DMD: variants seen among roughly 807,000 people sequenced by gnomAD.
DMD encodes dystrophin.
DMD carries 63 observed loss-of-function variants against 330.1 expected under a neutral mutation model. The observed-to-expected ratio is 0.19, with a 90% CI of 0.16 to 0.24. The LOEUF (loss-of-function observed/expected upper bound fraction) is 0.24, where lower values mean the gene tolerates loss of function less well. Ranked by LOEUF, DMD falls within the 10% of genes least tolerant of loss-of-function variation. The pLI, the probability that DMD is intolerant of heterozygous loss-of-function variation, is 1.00. For missense variants in DMD, 3,344 were observed against 2,684.1 expected (o/e 1.25, Z -5.43); for synonymous variants, 1,223 against 959.8 (o/e 1.27, Z -5.07).
chrX:32,430,038 G>A (rs2098231723), intron 29 of DMD, among the ~76,000 whole-genome samples: 2 of 110,982 alleles, frequency 1.8e-5, no homozygotes, highest in Non-Finnish European at 3.8e-5. Context: ...CTCTGATAAT[G>A]TCTAATTTCC....
chrX:32,936,331 G>A (rs1478033564), intron 2 of DMD, among the ~76,000 whole-genome samples: 1 of 111,371 alleles, frequency 9.0e-6, no homozygotes, highest in African/African-American at 3.3e-5. Context: ...GGCTGGTCTC[G>A]AACTCCTGAC....
At chrX:32,972,170 C>G (rs12851429) in intron 2 of DMD, among the ~76,000 whole-genome samples, 3,664 of 110,405 alleles carry the variant, frequency 0.033, 115 homozygotes, top group East Asian at 0.21. Flanking sequence ...TTGTATGACT[C>G]GCTTATAATT....
intron 7 of DMD, among the ~76,000 whole-genome samples, chrX:32,794,316 G>A (rs553629579): frequency 2.0e-4 from 22 of 112,282 alleles, no homozygotes; most frequent in African/African-American, 6.1e-4. Context: ...ATGGTCAGGC[G>A]TGGTGGCTCA....
At chrX:33,195,175 AAAT>A (rs1421677063) in intron 1 of DMD, among the ~76,000 whole-genome samples, 1 of 111,691 alleles carries the variant, frequency 9.0e-6, no homozygotes, top group Non-Finnish European at 1.9e-5. Context: ...CCAGGGTGGA[AAAT>A]AAGCTTAGGA....
At chrX:31,521,081 A>T (rs953011187) in intron 55 of DMD, among the ~76,000 whole-genome samples, 1 of 111,952 alleles carries the variant, frequency 8.9e-6, no homozygotes, top group Non-Finnish European at 1.9e-5. Flanking sequence ...ATGACATGTT[A>T]TATAAGTCTT....
intron 70 of DMD, chrX:31,178,256 T>C: frequency 1.3e-6 from 1 of 751,880 alleles, no homozygotes; most frequent in Non-Finnish European, 1.6e-6. Context: ...GACTATATTT[T>C]CTTTTGAGTA....
At chrX:32,204,388 C>G (rs755733022) in intron 44 of DMD, among the ~76,000 whole-genome samples, 1 of 112,547 alleles carries the variant, frequency 8.9e-6, no homozygotes, top group Non-Finnish European at 1.9e-5. Flanking sequence ...AAGCAAGGCA[C>G]TAAACCAACT....
chrX:31,164,107 G>T (rs2039155959), intron 74 of DMD, among the ~76,000 whole-genome samples: 1 of 111,732 alleles, frequency 8.9e-6, no homozygotes, highest in Non-Finnish European at 1.9e-5. Context: ...AAAAATAAAA[G>T]TAATTAAATA....
intron 22 of DMD, among the ~76,000 whole-genome samples, chrX:32,471,002 C>A (rs1410673275): frequency 9.0e-6 from 1 of 111,628 alleles, no homozygotes; most frequent in Non-Finnish European, 1.9e-5. Context: ...AAGGGCTGGG[C>A]GCAGTGGCTC....
intron 34 of DMD, among the ~76,000 whole-genome samples, chrX:32,366,419 A>G (rs763981803): frequency 4.5e-5 from 5 of 112,257 alleles, no homozygotes; most frequent in Non-Finnish European, 7.5e-5. Context: ...TTGAAAAGCT[A>G]TTTGCGAGTG....
chrX:32,233,929 C>G (rs140895740), intron 43 of DMD, among the ~76,000 whole-genome samples: 70 of 110,884 alleles, frequency 6.3e-4, no homozygotes, highest in Middle Eastern at 9.2e-3. Context: ...CACACCCAGC[C>G]CGGTACAATT....
chrX:31,428,296 A>G (rs1404599583), intron 60 of DMD, among the ~76,000 whole-genome samples: 1 of 110,523 alleles, frequency 9.0e-6, no homozygotes, highest in African/African-American at 3.3e-5. Context: ...TGTTTAAAAG[A>G]GTGTGGCACC....
At chrX:32,819,713 T>A (rs967149848) in intron 5 of DMD, among the ~76,000 whole-genome samples, 3 of 110,391 alleles carry the variant, frequency 2.7e-5, no homozygotes, top group East Asian at 2.9e-4. Context: ...GGGGCCAACA[T>A]GGTTCTATCT....
At chrX:31,860,993 T>C (rs57131280) in intron 48 of DMD, among the ~76,000 whole-genome samples, 13,260 of 111,747 alleles carry the variant, frequency 0.12, 686 homozygotes, top group South Asian at 0.24. Context: ...TTTCAGGTTA[T>C]AACCTTAAGA....
chrX:32,129,215 T>A (rs1420996590), intron 44 of DMD, among the ~76,000 whole-genome samples: 1 of 112,063 alleles, frequency 8.9e-6, no homozygotes, highest in Admixed American at 9.5e-5. Context: ...AAAGTATATA[T>A]ACTGACAATC....
At chrX:31,271,544 G>A (rs1250313076) in intron 62 of DMD, among the ~76,000 whole-genome samples, 1 of 111,623 alleles carries the variant, frequency 9.0e-6, no homozygotes, top group African/African-American at 3.3e-5. Context: ...GGAATGGTTT[G>A]AACTGGGTAC....
intron 2 of DMD, among the ~76,000 whole-genome samples, chrX:32,927,376 T>C (rs111910409): frequency 2.0e-5 from 2 of 98,923 alleles, no homozygotes; most frequent in Admixed American, 2.3e-4. Context: ...TTTTTTTTTT[T>C]TTTTTTTTTT....
At chrX:31,832,639 T>A (rs1387589332) in intron 49 of DMD, among the ~76,000 whole-genome samples, 1 of 112,513 alleles carries the variant, frequency 8.9e-6, no homozygotes, top group Non-Finnish European at 1.9e-5. Context: ...TTCTGTTACA[T>A]TGAAAAATAA....
At chrX:31,203,646 C>G (rs935668940) in intron 67 of DMD, among the ~76,000 whole-genome samples, 4 of 112,366 alleles carry the variant, frequency 3.6e-5, no homozygotes, top group African/African-American at 1.3e-4. Flanking sequence ...CTACAAAGGC[C>G]ATTTTCTTAT....
Sources: allele counts gnomAD v4.1 joint callset (sites outside exome capture counted in the v4.1 genomes callset), GRCh38; gene constraint gnomAD v4.1.1; transcripts MANE v1.5; gene names NCBI Gene and HGNC (gene_info 2026-07-23, HGNC 2026-07-21).